MPDZ: variants seen among roughly 807,000 people sequenced by gnomAD.
MPDZ encodes multiple PDZ domain crumbs cell polarity complex component.
MPDZ carries 234 observed loss-of-function variants against 239.1 expected under a neutral mutation model. The ratio of observed to expected loss-of-function variants is 0.98; its 90% CI spans 0.88 to 1.09. The LOEUF (loss-of-function observed/expected upper bound fraction) is 1.09. Among genes scored for constraint, MPDZ ranks in the 50% least tolerant of loss-of-function variants. The pLI is 0.00. For missense variants in MPDZ, 3,175 were observed against 2,510.0 expected (o/e 1.26, Z -5.66); for synonymous variants, 1,048 against 881.3 (o/e 1.19, Z -3.35).
At chr9:13,111,466 T>C (rs757534073) in intron 43 of MPDZ, among the ~76,000 whole-genome samples, 6 of 152,336 alleles carry the variant, frequency 3.9e-5, no homozygotes, top group Non-Finnish European at 8.8e-5. Flanking sequence ...TTAGAGAGAC[T>C]GAGTTGCGTT....
intron 20 of MPDZ, 124 bp downstream of exon 20, chr9:13,176,012 G>A (rs1952434841): frequency 2.1e-6 from 3 of 1,414,754 alleles, no homozygotes; most frequent in African/African-American, 1.5e-5. Flanking sequence ...AAGTTCATAG[G>A]TTGCCTTCTG....
intron 22 of MPDZ, 95 bp from the exon 23 acceptor site, chr9:13,162,890 T>G: frequency 1.3e-6 from 1 of 744,388 alleles, no homozygotes; most frequent in Non-Finnish European, 2.2e-6. Context: ...AATCATATTG[T>G]CCCTTTCTCC....
intron 12 of MPDZ, among the ~76,000 whole-genome samples, chr9:13,204,305 T>C (rs904728112): frequency 2.0e-5 from 3 of 152,188 alleles, no homozygotes; most frequent in South Asian, 4.1e-4. Context: ...ATAATGCTAC[T>C]GGCCAGGTGT....
chr9:13,162,258 T>C (rs1401784670), intron 23 of MPDZ, among the ~76,000 whole-genome samples: 1 of 126,548 alleles, frequency 7.9e-6, no homozygotes, highest in Non-Finnish European at 1.6e-5. Context: ...AGTGAGGCTC[T>C]GCCTCAAAAA....
intron 21 of MPDZ, among the ~76,000 whole-genome samples, chr9:13,172,751 G>A (rs1427632741): frequency 6.6e-6 from 1 of 152,146 alleles, no homozygotes; most frequent in East Asian, 1.9e-4. Flanking sequence ...AAGTCAGGCT[G>A]TTGAGGGAGG....
chr9:13,138,232 T>G, intron 28 of MPDZ, 79 bp from the exon 29 acceptor site: 2 of 1,366,414 alleles, frequency 1.5e-6, no homozygotes, highest in East Asian at 5.0e-5. Flanking sequence ...GCTATTTAGT[T>G]TTACCTCAAA....
intron 25 of MPDZ, among the ~76,000 whole-genome samples, chr9:13,148,992 A>T (rs1948795519): frequency 6.6e-6 from 1 of 152,038 alleles, no homozygotes. Flanking sequence ...ACAAAAAAAA[A>T]AAAATCTCTT....
At chr9:13,232,863 TG>T (rs1334428479) in intron 3 of MPDZ, among the ~76,000 whole-genome samples, 3 of 102,190 alleles carry the variant, frequency 2.9e-5, no homozygotes, top group Admixed American at 1.0e-4. Context: ...GAAAAATGGG[TG>T]GAAAAAAAAA....
intron 14 of MPDZ, 70 bp downstream of exon 14, chr9:13,193,097 C>A: frequency 7.6e-7 from 1 of 1,316,200 alleles, no homozygotes; most frequent in Admixed American, 2.8e-5. Flanking sequence ...AATTTATTCA[C>A]CACATTAAGC....
At chr9:13,214,630 ATTACT>A (rs1008926220) in intron 10 of MPDZ, among the ~76,000 whole-genome samples, 1 of 152,030 alleles carries the variant, frequency 6.6e-6, no homozygotes, top group Non-Finnish European at 1.5e-5. Context: ...ATTAATATAG[ATTACT>A]TAGGAGAAAA....
Position 13,192,247 on chromosome 9 carries a change from T to C in MPDZ, c.1852A>G (p.Ile618Val). ...ACTTCTATAGGCAGTTCTTTTAAGATATTCACCACATCTTGGTGATTTTCC... is the reference window on the plus strand; with the variant it reads ...ACTTCTATAGGCAGTTCTTTTAAGACATTCACCACATCTTGGTGATTTTCC... ...LGENHQDVVN[I>V]LKELPIEVTM... The change falls in exon 15 of 47, where the codon ATC becomes GTC. Residue 618 changes from isoleucine to valine, a missense_variant. Transcript: ENST00000319217. 1 of 1,605,698 alleles carries C rather than the reference T, an allele frequency of 6.2e-7. No individual in the cohort carries two copies. The highest frequency in any genetic ancestry group is 8.5e-7 in the Non-Finnish European group (1 of 1,175,342).
In MPDZ at chr9:13,158,090, T is replaced by C. The variant is rs374640198; in HGVS notation, c.3380A>G (p.Glu1127Gly). The C allele has an allele frequency of 3.7e-6, 6 of 1,612,534 alleles. No individual in the cohort carries two copies. The highest frequency in any genetic ancestry group is 1.7e-5 in the Admixed American group (1 of 59,896). The change falls in exon 24 of 47, where the codon GAG (glutamate) becomes GGG (glycine). Residue 1127 changes from glutamate to glycine, a missense_variant. Glu to Gly is a moderately conservative substitution (Grantham distance 98). Coordinates refer to ENST00000319217, the MANE Select transcript of MPDZ (RefSeq NM_001378778.1). ...YTGRDIPELP[E>G]REEGEGEESE... ...TTCTTCACCCTCTCCCTCTTCTCGC[T>C]CTGGTAATTCTGGAATGTCTCTGGT...
chr9:13,187,924 A>C (rs1175710520), intron 17 of MPDZ, among the ~76,000 whole-genome samples: 1 of 152,130 alleles, frequency 6.6e-6, no homozygotes, highest in Admixed American at 6.6e-5. Flanking sequence ...CTATTATTAC[A>C]GTAATTTATG....
intron 26 of MPDZ, among the ~76,000 whole-genome samples, chr9:13,147,101 G>A (rs138895747): frequency 2.6e-5 from 4 of 152,050 alleles, no homozygotes; most frequent in Non-Finnish European, 5.9e-5. Context: ...ATACATGAAC[G>A]ATCATTCACA....
chr9:13,164,762 C>T (rs902541482), intron 22 of MPDZ, among the ~76,000 whole-genome samples: 8 of 151,988 alleles, frequency 5.3e-5, no homozygotes, highest in African/African-American at 1.9e-4. Flanking sequence ...GGTAGTTTTC[C>T]TAACTATTTA....
In MPDZ at chr9:13,140,086, G is replaced by C; in HGVS notation, c.3904C>G (p.Pro1302Ala). 6.2e-7 allele frequency: 1 copy of C among 1,613,414 alleles called. No individual in the cohort carries two copies. Among genetic ancestry groups the C allele is most frequent in the South Asian group, 1.1e-5 (1 of 91,078 alleles). The change falls in exon 28 of 47, where the codon CCT becomes GCT. Residue 1302 changes from proline (P) to alanine (A), a missense_variant. Coordinates refer to ENST00000319217, the MANE Select transcript of MPDZ (RefSeq NM_001378778.1). ...APLCSVPPPPPSAFAEMGSDH... is the reference protein window; with the variant it reads ...APLCSVPPPPASAFAEMGSDH... ...CTACCCATTTCGGCAAAGGCTGAAG[G>C]AGGGGGTGGGGGCACACTGCACAAT...
Position 13,109,188 on chromosome 9 carries a change from G to A in MPDZ, c.5943-129C>T, listed in dbSNP as rs903302880. On this transcript the variant is annotated intron_variant, in intron 45 of 46. Transcript: ENST00000319217. ...TTGTTACTGACAAGGAGTATATTAC[G>A]GGTATTTTTGAGATGCTTAAATTGT... is the stretch of plus-strand genomic sequence containing the variant. The A allele has an allele frequency of 2.1e-5, 16 of 772,064 alleles. No individual in the cohort carries two copies. The Middle Eastern group carries it at 1.4e-3, about 67-fold the overall frequency. The allele number at this position is 772,064 out of a possible 1,614,324, so 47.8% of individuals were successfully genotyped here.
intron 10 of MPDZ, among the ~76,000 whole-genome samples, chr9:13,213,217 T>C (rs934602772): frequency 2.0e-5 from 3 of 152,012 alleles, no homozygotes; most frequent in Non-Finnish European, 4.4e-5. Context: ...TACCAACATA[T>C]GAAATGGGAA....
chr9:13,246,423 C>G (rs1030582201), intron 3 of MPDZ, among the ~76,000 whole-genome samples: 4 of 152,144 alleles, frequency 2.6e-5, no homozygotes, highest in Non-Finnish European at 5.9e-5. Context: ...ACCTGAGTGG[C>G]AGAATGAGAC....
Sources: allele counts gnomAD v4.1 joint callset (sites outside exome capture counted in the v4.1 genomes callset), GRCh38; gene constraint gnomAD v4.1.1; transcripts MANE v1.5; gene names NCBI Gene and HGNC (gene_info 2026-07-23, HGNC 2026-07-21).